Variants in ATP6V1E2 observed in about 807,000 individuals in gnomAD.
ATP6V1E2 encodes V-type proton ATPase subunit E 2.
For missense variants in ATP6V1E2, 308 were observed against 273.3 expected (o/e 1.13, Z -0.90); for synonymous variants, 121 against 104.2 (o/e 1.16, Z -0.98).
chr2:46,524,889 C>T (rs942553145), intron 4 of ATP6V1E2, among the ~76,000 whole-genome samples: 10 of 152,042 alleles, frequency 6.6e-5, no homozygotes, highest in African/African-American at 2.4e-4. Flanking sequence ...AAATGTCTGC[C>T]TGAGAGTTGG....
At chr2:46,514,416 C>T (rs1256942539) in intron 4 of ATP6V1E2, among the ~76,000 whole-genome samples, 1 of 152,066 alleles carries the variant, frequency 6.6e-6, no homozygotes, top group African/African-American at 2.4e-5. Flanking sequence ...CTGGGATGCT[C>T]AACAAGCCCA....
chr2:46,519,117 G>A (rs880671), intron 4 of ATP6V1E2: 40,883 of 152,050 alleles, frequency 0.27, 6,763 homozygotes, highest in Non-Finnish European at 0.37. Context: ...ACTGGGGAAG[G>A]CTGGCCAAGT....
At chr2:46,521,275 G>T (rs1026110418) in intron 4 of ATP6V1E2, among the ~76,000 whole-genome samples, 13 of 152,148 alleles carry the variant, frequency 8.5e-5, no homozygotes, top group Admixed American at 2.6e-4. Flanking sequence ...GCCCACATGA[G>T]CTTGTGAGTA....
At chr2:46,527,382 C>T (rs548278254) in intron 4 of ATP6V1E2, among the ~76,000 whole-genome samples, 3 of 152,214 alleles carry the variant, frequency 2.0e-5, no homozygotes, top group Admixed American at 6.5e-5. Context: ...CCACCATGCC[C>T]GGCTAATTTT....
intron 4 of ATP6V1E2, among the ~76,000 whole-genome samples, chr2:46,522,157 G>GT (rs1666667585): frequency 2.0e-5 from 3 of 151,786 alleles, no homozygotes; most frequent in Admixed American, 2.0e-4. Context: ...AGGAATGATG[G>GT]TGTGCGCCTG....
At chr2:46,521,397 C>T (rs1043105232) in intron 4 of ATP6V1E2, among the ~76,000 whole-genome samples, 5 of 152,182 alleles carry the variant, frequency 3.3e-5, no homozygotes, top group Admixed American at 6.5e-5. Flanking sequence ...GACCCTGAAG[C>T]AACTGTTCTT....
chr2:46,538,142 C>T (rs1667542926), intron 2 of ATP6V1E2, among the ~76,000 whole-genome samples: 1 of 152,180 alleles, frequency 6.6e-6, no homozygotes, highest in Non-Finnish European at 1.5e-5. Flanking sequence ...TCTTCATGTT[C>T]ACTGCCATGC....
intron 4 of ATP6V1E2, chr2:46,534,697 G>A (rs1558669357): frequency 1.3e-5 from 2 of 152,158 alleles, no homozygotes; most frequent in Non-Finnish European, 2.9e-5. Context: ...TTTTGAGGCT[G>A]CTTTCTAAAC....
intron 4 of ATP6V1E2, 138 bp from the exon 5 acceptor site, chr2:46,512,950 C>G: frequency 2.2e-6 from 1 of 461,902 alleles, no homozygotes; most frequent in Non-Finnish European, 3.8e-6. Flanking sequence ...TAAGGTTATA[C>G]TCTAGAAGAA....
chr2:46,529,771 G>GATAATA (rs147779788), intron 4 of ATP6V1E2, among the ~76,000 whole-genome samples: 52 of 151,234 alleles, frequency 3.4e-4, no homozygotes, highest in Admixed American at 1.9e-3. Context: ...TGATGATGAT[G>GATAATA]ATGATAATAA....
At chr2:46,523,083 GTTTT>G (rs776096952) in intron 4 of ATP6V1E2, among the ~76,000 whole-genome samples, 2 of 150,572 alleles carry the variant, frequency 1.3e-5, no homozygotes, top group Non-Finnish European at 3.0e-5. Context: ...ACTTTTTGAT[GTTTT>G]TTTTTAATTG....
In ATP6V1E2 at chr2:46,530,222, T is replaced by A. The variant is rs1667119057; in HGVS notation, c.-102+5591A>T. Reference sequence around the variant, plus strand: ...CCAGGATTCCCTGGTCCCTACAGCATGTGAGACACCAGGATGGCGCCAGGA... The same window carrying A: ...CCAGGATTCCCTGGTCCCTACAGCAAGTGAGACACCAGGATGGCGCCAGGA... On this transcript the variant is annotated intron_variant, in intron 4 of 4. Transcript: ENST00000522587. The surrounding 1 kb of genome is among the most constrained non-coding windows in gnomAD (Gnocchi z 5.2). 6.6e-6 allele frequency among the ~76,000 whole-genome samples: 1 copy of A among 152,180 alleles called. No homozygotes were observed. Among genetic ancestry groups the A allele is most frequent in the African/African-American group, 2.4e-5 (1 of 41,440 alleles).
At chr2:46,517,959 A>G (rs1403998621) in intron 4 of ATP6V1E2, among the ~76,000 whole-genome samples, 1 of 152,234 alleles carries the variant, frequency 6.6e-6, no homozygotes, top group Non-Finnish European at 1.5e-5. Context: ...TGGTTATTCA[A>G]CAAGTTAAAA....
intron 4 of ATP6V1E2, chr2:46,534,170 C>T (rs1381694504): frequency 1.3e-5 from 2 of 152,268 alleles, no homozygotes; most frequent in East Asian, 1.9e-4. Context: ...TAATCCTTTT[C>T]GAGGACTCCA....
At chr2:46,539,461 C>T (rs934465467) in intron 2 of ATP6V1E2, among the ~76,000 whole-genome samples, 1 of 152,236 alleles carries the variant, frequency 6.6e-6, no homozygotes, top group African/African-American at 2.4e-5. Context: ...GCAATGAACG[C>T]AGCCTTGAGC....
chr2:46,539,950 A>C (rs568001764), intron 2 of ATP6V1E2, among the ~76,000 whole-genome samples: 2 of 152,314 alleles, frequency 1.3e-5, no homozygotes, highest in South Asian at 4.1e-4. Flanking sequence ...TTTGCTAATA[A>C]GTTCCTTGAA....
Position 46,530,663 on chromosome 2 carries a change from G to C in ATP6V1E2, c.-102+5150C>G, listed in dbSNP as rs1480866008. Reference sequence around the variant, plus strand: ...AGTTTGTTCTCACACTGCGAATAAAGACATAACCAGGACTGGGTAATATAT... The same window carrying C: ...AGTTTGTTCTCACACTGCGAATAAACACATAACCAGGACTGGGTAATATAT... On this transcript the variant is annotated intron_variant, in intron 4 of 4. Coordinates refer to ENST00000522587, the MANE Select transcript of ATP6V1E2 (RefSeq NM_001318063.2). The surrounding 1 kb of genome is among the most constrained non-coding windows in gnomAD (Gnocchi z 5.2). Among the ~76,000 whole-genome samples the C allele has an allele frequency of 6.6e-6, 1 of 152,076 alleles. No homozygotes were observed. The highest frequency in any genetic ancestry group is 1.5e-5 in the Non-Finnish European group (1 of 68,014).
At chr2:46,527,671 TTTG>T (rs1031757457) in intron 4 of ATP6V1E2, among the ~76,000 whole-genome samples, 26 of 152,114 alleles carry the variant, frequency 1.7e-4, no homozygotes, top group South Asian at 6.2e-4. Flanking sequence ...TGGTCCTGGG[TTTG>T]TTGTTGTTGT....
intron 2 of ATP6V1E2, among the ~76,000 whole-genome samples, chr2:46,538,692 A>G (rs1268469463): frequency 6.6e-6 from 1 of 151,984 alleles, no homozygotes; most frequent in East Asian, 1.9e-4. Flanking sequence ...CTTTAGCTAT[A>G]TTTCCTTGGA....
Sources: gnomAD v4.1 joint callset for allele counts (sites outside exome capture counted in the v4.1 genomes callset) on GRCh38, gnomAD v4.1.1 for gene constraint, Gnocchi (gnomAD v3.1) non-coding constraint, MANE v1.5 for transcripts, NCBI Gene and HGNC (gene_info 2026-07-23, HGNC 2026-07-21) for gene names.